The following OLFM3 variants were observed in gnomAD, a reference collection of about 807,000 sequenced individuals.
OLFM3 encodes the protein olfactomedin 3.
A neutral mutation model predicts 48.6 loss-of-function variants in OLFM3; 20 were observed. The observed-to-expected ratio is 0.41, with a 90% CI of 0.29 to 0.60. OLFM3 has a LOEUF of 0.60. OLFM3 is among the 20% of genes least tolerant of loss of function. The probability of loss-of-function intolerance (pLI) is 0.28; values close to 1 mark genes in which losing one functional copy is unlikely to be tolerated. For missense variants in OLFM3, 437 were observed against 544.3 expected (o/e 0.80, Z 1.96); for synonymous variants, 222 against 198.1 (o/e 1.12, Z -1.01).
intron 1 of OLFM3, among the ~76,000 whole-genome samples, chr1:101,896,076 A>C (rs2148910): frequency 0.27 from 40,872 of 151,538 alleles, 5,716 homozygotes; most frequent in East Asian, 0.36. Context: ...ATGCAACAAT[A>C]ATTTATAAAG....
intron 1 of OLFM3, among the ~76,000 whole-genome samples, chr1:101,947,550 G>C (rs1159488498): frequency 6.6e-6 from 1 of 152,098 alleles, no homozygotes; most frequent in African/African-American, 2.4e-5. Context: ...GGGAGGATTG[G>C]TTGGGGCTGG....
chr1:101,857,259 A>G (rs1656460126), intron 1 of OLFM3, among the ~76,000 whole-genome samples: 1 of 151,996 alleles, frequency 6.6e-6, no homozygotes, highest in Non-Finnish European at 1.5e-5. Context: ...AAAGGAAGTA[A>G]CTGTTGTCAG....
At chr1:101,975,459 C>A (rs531070143) in intron 1 of OLFM3, among the ~76,000 whole-genome samples, 2 of 151,798 alleles carry the variant, frequency 1.3e-5, no homozygotes, top group Non-Finnish European at 2.9e-5. Flanking sequence ...TTTTTTGCGG[C>A]GGGTAGAGAA....
intron 1 of OLFM3, chr1:101,846,756 A>G: frequency 1.1e-6 from 1 of 914,728 alleles, no homozygotes; most frequent in Non-Finnish European, 1.7e-6. Context: ...TAAAGGCAGA[A>G]GCAAAATCTT....
intron 1 of OLFM3, among the ~76,000 whole-genome samples, chr1:101,994,889 G>C (rs947241915): frequency 6.6e-6 from 1 of 151,960 alleles, no homozygotes; most frequent in Non-Finnish European, 1.5e-5. Flanking sequence ...AATATCCACA[G>C]CTCATTCTGA....
At chr1:101,966,171 T>C (rs921377652) in intron 1 of OLFM3, among the ~76,000 whole-genome samples, 6 of 152,190 alleles carry the variant, frequency 3.9e-5, no homozygotes, top group Admixed American at 6.5e-5. Flanking sequence ...TTTATTTTTA[T>C]TTATTACTTT....
intron 1 of OLFM3, among the ~76,000 whole-genome samples, chr1:101,857,644 T>C (rs1656480012): frequency 6.6e-6 from 1 of 151,808 alleles, no homozygotes; most frequent in Admixed American, 6.6e-5. Flanking sequence ...TCTTACATTC[T>C]TACTTTCATC....
At chr1:101,842,997 G>T (rs141305431) in intron 1 of OLFM3, among the ~76,000 whole-genome samples, 446 of 152,224 alleles carry the variant, frequency 2.9e-3, no homozygotes, top group Middle Eastern at 6.8e-3. Flanking sequence ...TAAGAGTTTA[G>T]GGAAGGAAAA....
intron 1 of OLFM3, among the ~76,000 whole-genome samples, chr1:101,927,767 T>C (rs1305165821): frequency 4.0e-5 from 6 of 149,018 alleles, no homozygotes; most frequent in Admixed American, 2.7e-4. Flanking sequence ...TAATATAATA[T>C]TCTAAAAATA....
At chr1:101,967,230 C>T (rs1039425122) in intron 1 of OLFM3, among the ~76,000 whole-genome samples, 1 of 151,910 alleles carries the variant, frequency 6.6e-6, no homozygotes, top group African/African-American at 2.4e-5. Flanking sequence ...AGTCCAACTG[C>T]GTACTCATGT....
At chr1:101,895,412 TAC>T (rs35047632) in intron 1 of OLFM3, among the ~76,000 whole-genome samples, 8,935 of 143,744 alleles carry the variant, frequency 0.062, 288 homozygotes, top group Middle Eastern at 0.082. Context: ...AGCTCAAGAA[TAC>T]ACACACACAC....
intron 1 of OLFM3, among the ~76,000 whole-genome samples, chr1:101,873,074 A>G (rs1657148655): frequency 6.6e-6 from 1 of 152,012 alleles, no homozygotes; most frequent in Non-Finnish European, 1.5e-5. Context: ...TTGCTAAAAT[A>G]AGATGAAGTC....
chr1:101,990,964 G>A (rs762209964), intron 1 of OLFM3, among the ~76,000 whole-genome samples: 16 of 115,560 alleles, frequency 1.4e-4, no homozygotes, highest in Non-Finnish European at 2.6e-4. Flanking sequence ...CAGCCTGGGC[G>A]ACAGAGCGAG....
chr1:101,810,460 A>G (rs1653995758), intron 4 of OLFM3, among the ~76,000 whole-genome samples: 1 of 152,042 alleles, frequency 6.6e-6, no homozygotes, highest in South Asian at 2.1e-4. Context: ...TATTCTAAGC[A>G]TACAATTTTC....
chr1:101,917,919 T>C (rs1658976624), intron 1 of OLFM3, among the ~76,000 whole-genome samples: 1 of 152,196 alleles, frequency 6.6e-6, no homozygotes, highest in African/African-American at 2.4e-5. Flanking sequence ...AAAGAGCACG[T>C]AATTTATAAT....
At chr1:101,854,137 G>C (rs1212349913) in intron 1 of OLFM3, among the ~76,000 whole-genome samples, 1 of 146,074 alleles carries the variant, frequency 6.8e-6, no homozygotes, top group East Asian at 2.0e-4. Flanking sequence ...CAATAAATAT[G>C]ATAAAATTTA....
At chr1:101,983,443 A>G (rs917131850) in intron 1 of OLFM3, among the ~76,000 whole-genome samples, 1 of 152,198 alleles carries the variant, frequency 6.6e-6, no homozygotes, top group African/African-American at 2.4e-5. Flanking sequence ...GTCATCCAGT[A>G]CTATAATTAT....
intron 1 of OLFM3, among the ~76,000 whole-genome samples, chr1:101,922,175 G>A (rs1659117922): frequency 6.6e-6 from 1 of 152,092 alleles, no homozygotes; most frequent in East Asian, 1.9e-4. Context: ...TGTGTGCCTT[G>A]GGAAAGTTAC....
chr1:101,826,202 C>T (rs1178932327), intron 3 of OLFM3, among the ~76,000 whole-genome samples: 1 of 151,958 alleles, frequency 6.6e-6, no homozygotes, highest in Non-Finnish European at 1.5e-5. Context: ...CAGTATCCCT[C>T]ACCCCTAGCC....
Sources: allele counts gnomAD v4.1 joint callset (sites outside exome capture counted in the v4.1 genomes callset), GRCh38; gene constraint gnomAD v4.1.1; transcripts MANE v1.5; gene names NCBI Gene and HGNC (gene_info 2026-07-23, HGNC 2026-07-21).